The following CMC2 variants were observed in gnomAD, a reference collection of about 807,000 sequenced individuals.
The protein encoded by CMC2 is C-X9-C motif containing 2, also known as COX assembly mitochondrial protein 2 homolog.
In CMC2, 5 loss-of-function variants were observed where a neutral mutation model predicts 7.5. The observed-to-expected ratio is 0.66, with a 90% CI of 0.35 to 1.40. The LOEUF (loss-of-function observed/expected upper bound fraction) is 1.40, where lower values mean the gene tolerates loss of function less well. CMC2 is among the 40% of genes most tolerant of loss of function. CMC2 has a pLI of 0.04. For missense variants in CMC2, 115 were observed against 92.3 expected, an observed-to-expected ratio of 1.25 and a Z score of -1.01; for synonymous variants, 37 against 31.4, an observed-to-expected ratio of 1.18 and a Z score of -0.60.
chr16:81,001,835 C>T (rs896996606), intron 1 of CMC2, among the ~76,000 whole-genome samples: 6 of 144,192 alleles, frequency 4.2e-5, no homozygotes, highest in African/African-American at 1.4e-4. Flanking sequence ...TATTCAGTAA[C>T]TACTAAACAC....
intron 2 of CMC2, among the ~76,000 whole-genome samples, chr16:80,990,593 C>T (rs774057326): frequency 1.3e-5 from 2 of 152,226 alleles, no homozygotes; most frequent in African/African-American, 4.8e-5. Context: ...TGAAGAGATA[C>T]AAATATGTTT....
intron 2 of CMC2, among the ~76,000 whole-genome samples, chr16:80,987,528 T>C (rs549788754): frequency 1.6e-4 from 25 of 152,354 alleles, no homozygotes; most frequent in African/African-American, 5.8e-4. Context: ...CTAAATTCTG[T>C]ATTTTACCTT....
Position 80,975,161 on chromosome 16 carries a change from C to T in CMC2, c.*932G>A, listed in dbSNP as rs547617125. ...CTGCTAGAATTGGGCACGGGAAGAACAGTCCTATACTCAGCAGAGAGGAGA... is the reference window on the plus strand; with the variant it reads ...CTGCTAGAATTGGGCACGGGAAGAATAGTCCTATACTCAGCAGAGAGGAGA... On this transcript the variant is annotated 3_prime_UTR_variant, in exon 4 of 4. Coordinates refer to ENST00000219400, the MANE Select transcript of CMC2 (RefSeq NM_020188.5). The T allele has an allele frequency of 2.6e-5, 4 of 152,358 alleles. No individual in the cohort carries two copies. In the East Asian group the frequency reaches 5.8e-4, roughly 22 times the overall value. The allele number at this position is 152,358 out of a possible 1,614,324, so 9.4% of individuals were successfully genotyped here.
intron 2 of CMC2, among the ~76,000 whole-genome samples, chr16:80,988,081 G>A (rs1333409277): frequency 6.6e-6 from 1 of 152,136 alleles, no homozygotes; most frequent in Admixed American, 6.6e-5. Flanking sequence ...CTGCTCAGGA[G>A]GATGAGGCAG....
At chr16:80,982,673 A>G (rs569311036) in intron 2 of CMC2, 1 of 152,210 alleles carries the variant, frequency 6.6e-6, no homozygotes, top group Non-Finnish European at 1.5e-5. Flanking sequence ...GTAAGCAAAC[A>G]TAAAGATATA....
chr16:80,989,028 T>C (rs1266839311), intron 2 of CMC2, among the ~76,000 whole-genome samples: 1 of 152,216 alleles, frequency 6.6e-6, no homozygotes, highest in Non-Finnish European at 1.5e-5. Context: ...GTCTTCAGTG[T>C]ATCACATCAA....
At chr16:80,982,539 A>AAAAT (rs1967204144) in intron 2 of CMC2, 1 of 150,074 alleles carries the variant, frequency 6.7e-6, no homozygotes, top group African/African-American at 2.4e-5. Flanking sequence ...AAAAAAAAAA[A>AAAAT]GTGAATACTA....
intron 3 of CMC2, among the ~76,000 whole-genome samples, chr16:80,977,007 CAT>C (rs546802136): frequency 2.0e-4 from 30 of 151,828 alleles, no homozygotes; most frequent in African/African-American, 6.0e-4. Flanking sequence ...CAATGACAGA[CAT>C]AGACTACAGT....
intron 2 of CMC2, among the ~76,000 whole-genome samples, chr16:80,986,028 T>A (rs143630968): frequency 3.3e-5 from 5 of 151,714 alleles, no homozygotes; most frequent in Non-Finnish European, 7.4e-5. Flanking sequence ...TTATAACGCA[T>A]TGTATAGGCA....
Position 80,975,229 on chromosome 16 carries a change from C to G in CMC2, c.*864G>C, listed in dbSNP as rs1369370740. On this transcript the variant is annotated 3_prime_UTR_variant, in exon 4 of 4. Coordinates refer to ENST00000219400, the MANE Select transcript of CMC2 (RefSeq NM_020188.5). ...AATGTCCAGGAGTTAACTGGCACCT[C>G]GAGTGGACACATTCAACCAAATGGG... is the stretch of plus-strand genomic sequence containing the variant. The G allele has an allele frequency of 1.3e-5, 2 of 152,250 alleles. No homozygotes were observed. Among genetic ancestry groups the G allele is most frequent in the African/African-American group, 2.4e-5 (1 of 41,448 alleles). 9.4% of individuals were successfully genotyped at this position (152,250 alleles called of 1,614,324 possible). A position where few individuals can be genotyped will look rare whatever the true frequency, so the allele number is the denominator to read the frequency against.
intron 1 of CMC2, among the ~76,000 whole-genome samples, chr16:81,006,270 G>A (rs1969323411): frequency 6.6e-6 from 1 of 152,236 alleles, no homozygotes; most frequent in South Asian, 2.1e-4. Context: ...ACAGGGCACT[G>A]CAGCTGAGAC....
intron 3 of CMC2, among the ~76,000 whole-genome samples, chr16:80,979,038 G>A (rs371432524): frequency 9.2e-5 from 14 of 151,692 alleles, no homozygotes; most frequent in Admixed American, 6.6e-4. Flanking sequence ...CTGAGATTGC[G>A]CCACTGCACT....
intron 2 of CMC2, chr16:80,983,427 A>T (rs1184279033): frequency 1.3e-5 from 2 of 152,248 alleles, no homozygotes; most frequent in Non-Finnish European, 2.9e-5. Context: ...AAGCCTACTT[A>T]CTAACTCACC....
At chr16:80,996,338 G>A (rs1195369072) in intron 2 of CMC2, among the ~76,000 whole-genome samples, 5 of 152,090 alleles carry the variant, frequency 3.3e-5, no homozygotes, top group African/African-American at 9.7e-5. Context: ...GACTATAACT[G>A]ACCATATACA....
intron 2 of CMC2, among the ~76,000 whole-genome samples, chr16:80,990,482 A>G (rs1967895928): frequency 6.6e-6 from 1 of 151,846 alleles, no homozygotes; most frequent in Non-Finnish European, 1.5e-5. Flanking sequence ...AAGATTTTGT[A>G]AAAGTGTCAC....
Position 80,968,991 on chromosome 16 carries a change from T to G in CMC2, c.*7102A>C, listed in dbSNP as rs924723076. 9 of 152,168 alleles carry G rather than the reference T, an allele frequency of 5.9e-5. No individual in the cohort carries two copies. The highest frequency in any genetic ancestry group is 1.3e-4 in the Non-Finnish European group (9 of 68,022). The allele number at this position is 152,168 out of a possible 1,614,324, so 9.4% of individuals were successfully genotyped here. On this transcript the variant is annotated 3_prime_UTR_variant, in exon 4 of 4. Coordinates refer to ENST00000219400, the MANE Select transcript of CMC2 (RefSeq NM_020188.5). ...AAACATTAACTAGAAAACATAACAC[T>G]TGCCAGCATAGGGAGGTAAGAGTAA...
rs752199735 is a variant in CMC2 at position 80,981,817 on chromosome 16, G to A, written c.142C>T (p.Leu48=). 3 of 1,604,956 alleles carry A rather than the reference G, an allele frequency of 1.9e-6. No homozygotes were observed. Among genetic ancestry groups the A allele is most frequent in the Non-Finnish European group, 2.6e-6 (3 of 1,173,294 alleles). ...NDVDRELRKC[L]KNEYVENRTK... ...GACACTTTTCTTACCTCATTCTTCAGGCATTTTCTCAACTCCCGATCAACA... is the reference window on the plus strand; with the variant it reads ...GACACTTTTCTTACCTCATTCTTCAAGCATTTTCTCAACTCCCGATCAACA... The change falls in exon 3 of 4, where the codon CTG becomes TTG. Residue 48 remains leucine (L), a synonymous_variant. Transcript: ENST00000219400.
chr16:81,002,905 G>C (rs944353936), intron 1 of CMC2, among the ~76,000 whole-genome samples: 1 of 152,056 alleles, frequency 6.6e-6, no homozygotes, highest in Non-Finnish European at 1.5e-5. Context: ...CCTATTCTTG[G>C]TAAGAAGCTA....
chr16:80,994,526 A>G (rs1479628534), intron 2 of CMC2, among the ~76,000 whole-genome samples: 2 of 152,230 alleles, frequency 1.3e-5, no homozygotes, highest in Non-Finnish European at 2.9e-5. Context: ...ACTCAGTCAT[A>G]AAACAATCCA....
Sources: gnomAD v4.1 joint callset for allele counts (sites outside exome capture counted in the v4.1 genomes callset) on GRCh38, gnomAD v4.1.1 for gene constraint, MANE v1.5 for transcripts, NCBI Gene and HGNC (gene_info 2026-07-23, HGNC 2026-07-21) for gene names.